WDPCP: variants seen among roughly 807,000 people sequenced by gnomAD.
WDPCP encodes WD repeat-containing and planar cell polarity effector protein fritz homolog.
In WDPCP, 71 loss-of-function variants were observed where a neutral mutation model predicts 93.1. The ratio of observed to expected loss-of-function variants is 0.76; its 90% CI spans 0.63 to 0.93. WDPCP has a LOEUF of 0.93. Ranked by LOEUF, WDPCP falls within the 40% of genes least tolerant of loss-of-function variation. The pLI is 0.00. For missense variants in WDPCP, 844 were observed against 887.4 expected (o/e 0.95, Z 0.62); for synonymous variants, 315 against 315.0 (o/e 1.00, Z 0.00).
At chr2:63,362,258 CTTTTT>C (rs67493046) in intron 12 of WDPCP, among the ~76,000 whole-genome samples, 1 of 93,272 alleles carries the variant, frequency 1.1e-5, no homozygotes, top group Non-Finnish European at 1.9e-5. Flanking sequence ...GGTAGAATCC[CTTTTT>C]TTTTTTTTTT....
intron 13 of WDPCP, among the ~76,000 whole-genome samples, chr2:63,278,449 A>G (rs9752403): frequency 1.4e-4 from 1 of 6,996 alleles, no homozygotes; most frequent in East Asian, 0.12. Flanking sequence ...AAACAACGCA[A>G]AAAAAATACA....
intron 1 of WDPCP, among the ~76,000 whole-genome samples, chr2:63,515,012 C>G (rs1336061362): frequency 6.6e-6 from 1 of 152,130 alleles, no homozygotes; most frequent in Non-Finnish European, 1.5e-5. Context: ...TAAATCATCA[C>G]AGTTGGTTCC....
chr2:63,442,723 G>A (rs1697582226), intron 6 of WDPCP: 2 of 152,126 alleles, frequency 1.3e-5, no homozygotes, highest in South Asian at 4.1e-4. Flanking sequence ...CAGAACTCTG[G>A]AATTTAATTT....
chr2:63,585,476 T>A (rs1471898135), intron 1 of WDPCP, among the ~76,000 whole-genome samples: 2 of 152,198 alleles, frequency 1.3e-5, no homozygotes, highest in Non-Finnish European at 2.9e-5. Flanking sequence ...TAATTTGGTC[T>A]CTGATTTATT....
intron 17 of WDPCP, among the ~76,000 whole-genome samples, chr2:63,138,418 T>C (rs1014558906): frequency 6.6e-6 from 1 of 151,978 alleles, no homozygotes; most frequent in African/African-American, 2.4e-5. Flanking sequence ...CCATACGTTA[T>C]TGGGTACAGG....
intron 15 of WDPCP, among the ~76,000 whole-genome samples, chr2:63,172,031 C>T (rs942915445): frequency 2.0e-5 from 3 of 152,132 alleles, no homozygotes; most frequent in African/African-American, 7.2e-5. Context: ...ATGTTTGCCT[C>T]AGGCTGGGTT....
At chr2:63,412,653 C>G (rs1695102169) in intron 9 of WDPCP, among the ~76,000 whole-genome samples, 1 of 152,096 alleles carries the variant, frequency 6.6e-6, no homozygotes, top group African/African-American at 2.4e-5. Flanking sequence ...CCAGAAAGCT[C>G]CTAGAACTGA....
chr2:63,772,639 TATCA>T (rs1670246666), intron 2 of WDPCP, among the ~76,000 whole-genome samples: 1 of 152,072 alleles, frequency 6.6e-6, no homozygotes, highest in Non-Finnish European at 1.5e-5. Context: ...AATGTTTGAT[TATCA>T]ATCAATGTAA....
intron 1 of WDPCP, among the ~76,000 whole-genome samples, chr2:63,521,835 C>T (rs796220290): frequency 6.6e-6 from 1 of 152,148 alleles, no homozygotes; most frequent in African/African-American, 2.4e-5. Flanking sequence ...ACCACACTCT[C>T]GGGCCACAGC....
chr2:63,402,492 A>C (rs998230608), intron 10 of WDPCP, among the ~76,000 whole-genome samples: 2 of 152,152 alleles, frequency 1.3e-5, no homozygotes, highest in African/African-American at 2.4e-5. Flanking sequence ...TAAAAATAAA[A>C]ATAAAATAAA....
chr2:63,765,488 G>A (rs1375819883), intron 2 of WDPCP, among the ~76,000 whole-genome samples: 1 of 152,204 alleles, frequency 6.6e-6, no homozygotes, highest in Non-Finnish European at 1.5e-5. Context: ...GACCTTCACT[G>A]TTGTAAGGTT....
intron 1 of WDPCP, among the ~76,000 whole-genome samples, chr2:63,571,890 A>G (rs1707533243): frequency 2.0e-5 from 3 of 152,184 alleles, no homozygotes; most frequent in Admixed American, 2.0e-4. Flanking sequence ...TTTTATATAT[A>G]TTTTACTCTC....
At chr2:63,333,826 T>C (rs1308091118) in intron 12 of WDPCP, among the ~76,000 whole-genome samples, 1 of 152,236 alleles carries the variant, frequency 6.6e-6, no homozygotes, top group Non-Finnish European at 1.5e-5. Flanking sequence ...TCACTCATAT[T>C]TGGCTCAGAA....
At chr2:63,833,023 C>T in the WDPCP span, among the ~76,000 whole-genome samples, 2 of 152,116 alleles carry the variant, frequency 1.3e-5, no homozygotes, top group Non-Finnish European at 2.9e-5. Context: ...GAGGCCAAGG[C>T]GGGAGGATCA....
At chr2:63,494,645 G>T (rs1217969330) in intron 1 of WDPCP, among the ~76,000 whole-genome samples, 1 of 152,166 alleles carries the variant, frequency 6.6e-6, no homozygotes, top group Non-Finnish European at 1.5e-5. Flanking sequence ...ACCCGGCCAG[G>T]CGCGGTGGCT....
intron 1 of WDPCP, among the ~76,000 whole-genome samples, chr2:63,519,814 CA>C (rs1034767994): frequency 1.3e-5 from 2 of 151,980 alleles, no homozygotes; most frequent in Non-Finnish European, 2.9e-5. Context: ...AATGGCAACT[CA>C]AAAAAACAGT....
intron 1 of WDPCP, among the ~76,000 whole-genome samples, chr2:63,574,262 T>C (rs1192424732): frequency 2.0e-5 from 3 of 152,148 alleles, no homozygotes; most frequent in Admixed American, 1.3e-4. Flanking sequence ...ACATGTGATG[T>C]CTCCCCCGGA....
intron 1 of WDPCP, among the ~76,000 whole-genome samples, chr2:63,522,874 C>T (rs1322794654): frequency 1.3e-5 from 2 of 152,180 alleles, no homozygotes; most frequent in African/African-American, 2.4e-5. Context: ...CTAAATTCTA[C>T]TAAATGTACA....
chr2:63,494,314 CGATGAT>C (rs756773052), intron 1 of WDPCP, among the ~76,000 whole-genome samples: 4 of 124,128 alleles, frequency 3.2e-5, no homozygotes, highest in Admixed American at 2.5e-4. Flanking sequence ...ATGATGATGA[CGATGAT>C]GATGATGATG....
Sources: allele counts gnomAD v4.1 joint callset (sites outside exome capture counted in the v4.1 genomes callset), GRCh38; gene constraint gnomAD v4.1.1; transcripts MANE v1.5; gene names NCBI Gene and HGNC (gene_info 2026-07-23, HGNC 2026-07-21).